The following GLB1 variants were observed in gnomAD, a reference collection of about 807,000 sequenced individuals.
GLB1 encodes beta-galactosidase.
Under a neutral mutation model 74.0 loss-of-function variants are expected in GLB1, and 56 were observed. The ratio of observed to expected loss-of-function variants is 0.76; its 90% CI spans 0.61 to 0.94. The LOEUF (loss-of-function observed/expected upper bound fraction) is 0.94. Ranked by LOEUF, GLB1 falls within the 40% of genes least tolerant of loss-of-function variation. The pLI, the probability that GLB1 is intolerant of heterozygous loss-of-function variation, is 0.00. For missense variants in GLB1, 787 were observed against 845.5 expected, an observed-to-expected ratio of 0.93 and a Z score of 0.86; for synonymous variants, 323 against 323.6, an observed-to-expected ratio of 1.00 and a Z score of 0.02.
intron 9 of GLB1, 52 bp from the exon 10 acceptor site, chr3:33,046,284 C>A: frequency 6.2e-7 from 1 of 1,605,696 alleles, no homozygotes; most frequent in Non-Finnish European, 8.5e-7. Context: ...AGCTCTGGGA[C>A]AAGTTCTTTG....
At chr3:33,082,936 C>A (rs1300325831) in intron 1 of GLB1, among the ~76,000 whole-genome samples, 2 of 152,134 alleles carry the variant, frequency 1.3e-5, no homozygotes, top group Non-Finnish European at 2.9e-5. Flanking sequence ...AGCAGTATCA[C>A]TTAAAAGACA....
chr3:33,044,121 A>G (rs1698647967), intron 10 of GLB1, among the ~76,000 whole-genome samples: 1 of 152,232 alleles, frequency 6.6e-6, no homozygotes, highest in Admixed American at 6.5e-5. Flanking sequence ...TATAGTCAAC[A>G]ACTGTAAAAT....
Position 32,997,296 on chromosome 3 carries a change from G to A in GLB1, c.1783C>T (p.Arg595Trp), listed in dbSNP as rs201807974. Residue 595 changes from arginine (R) to tryptophan (W), a missense_variant, in exon 16 of 16, where the codon CGG (arginine) becomes TGG (tryptophan). Arg to Trp is a moderately radical substitution (Grantham distance 101). Transcript: ENST00000307363. ...ACAAACAAGGTCAACTGAGGGCCCCGGGCTGGCCAATAGCGGCCAAGGTTA... is the reference window on the plus strand; with the variant it reads ...ACAAACAAGGTCAACTGAGGGCCCCAGGCTGGCCAATAGCGGCCAAGGTTA... ...GFNLGRYWPA[R>W]GPQLTLFVPQ... is the part of the protein sequence containing the mutation. 107 of 1,614,076 alleles carry A rather than the reference G, an allele frequency of 6.6e-5. No individual in the cohort carries two copies. The Admixed American group carries it at 8.3e-4, about 13-fold the overall frequency.
chr3:33,005,588 C>A (rs1696752769), intron 15 of GLB1, among the ~76,000 whole-genome samples: 1 of 151,962 alleles, frequency 6.6e-6, no homozygotes, highest in Admixed American at 6.5e-5. Context: ...CCTTGATTTG[C>A]TGGGCTCAAG....
the GLB1 span, among the ~76,000 whole-genome samples, chr3:32,970,817 A>G: frequency 0.18 from 27,994 of 152,126 alleles, 4,869 homozygotes; most frequent in African/African-American, 0.45. Flanking sequence ...CCACACTGGA[A>G]GCTAAGCTCT....
intron 4 of GLB1, among the ~76,000 whole-genome samples, chr3:33,066,543 T>A (rs879787582): frequency 1.3e-5 from 2 of 152,176 alleles, no homozygotes; most frequent in Admixed American, 6.5e-5. Context: ...TAAATGCTTT[T>A]CTTTATAAAT....
rs201951981 is a variant in GLB1, at chr3:33,019,155, T to TAATAAC, written c.1234-595_1234-594insGTTATT. On this transcript the variant is annotated intron_variant, in intron 12 of 15. Coordinates refer to ENST00000307363, the MANE Select transcript of GLB1 (RefSeq NM_000404.4). ...ACCTCATCTCTAATAATAATAATAA[T>TAATAAC]AACAACAAAGTCCATCAGAACTGTT... 4.3e-3 allele frequency among the ~76,000 whole-genome samples: 657 copies of TAATAAC among 151,926 alleles called. 5 individuals carry two copies. Among genetic ancestry groups the TAATAAC allele is most frequent in the African/African-American group, 0.015 (601 of 41,418 alleles).
At position 33,093,579 on chromosome 3, in the gene GLB1, T is replaced by C. The variant is rs140369620; in HGVS notation, c.75+3432A>G. The C allele has an allele frequency of 8.0e-5, 129 of 1,614,128 alleles. No homozygotes were observed. Among genetic ancestry groups the C allele is most frequent in the Admixed American group, 1.7e-4 (10 of 60,016 alleles). On this transcript the variant is annotated intron_variant, in intron 1 of 15. Transcript: ENST00000307363. This position sits in a 1 kb window ranked among gnomAD's most constrained non-coding sequence, Gnocchi z 6.0. ...GTCTGAGAGGAGCACGATCTTGAGG[T>C]TGTTCATTGAGGCAGGCAGCTGATG...
intron 9 of GLB1, among the ~76,000 whole-genome samples, chr3:33,049,491 A>T (rs1019638346): frequency 2.6e-5 from 4 of 152,138 alleles, no homozygotes; most frequent in African/African-American, 9.7e-5. Context: ...ATCTCAGCTC[A>T]CTGCAACCTC....
intron 10 of GLB1, among the ~76,000 whole-genome samples, chr3:33,044,469 C>A (rs548310215): frequency 6.6e-6 from 1 of 151,856 alleles, no homozygotes; most frequent in Admixed American, 6.6e-5. Flanking sequence ...CATTAAAAAG[C>A]TAAGCTTCAA....
intron 2 of GLB1, 111 bp downstream of exon 2, chr3:33,072,433 A>G: frequency 2.6e-6 from 4 of 1,525,734 alleles, no homozygotes; most frequent in Non-Finnish European, 2.7e-6. Flanking sequence ...ATCACACTGG[A>G]CCATTTCCCA....
At chr3:33,079,884 C>A (rs1199579929) in intron 1 of GLB1, among the ~76,000 whole-genome samples, 3 of 152,108 alleles carry the variant, frequency 2.0e-5, no homozygotes, top group African/African-American at 4.8e-5. Context: ...TGGGCTCAAG[C>A]GATCCTCCCA....
intron 2 of GLB1, among the ~76,000 whole-genome samples, chr3:33,070,093 T>C (rs553638756): frequency 2.0e-5 from 3 of 152,226 alleles, no homozygotes; most frequent in African/African-American, 7.2e-5. Context: ...CTCAGGATAA[T>C]AGCCTCCAGC....
In GLB1 at chr3:33,009,968, G is replaced by C. The variant is rs181766917; in HGVS notation, c.1734+4088C>G. On this transcript the variant is annotated intron_variant, in intron 15 of 15. Transcript: ENST00000307363. ...CTCCATTCCTTTTTATTGAGGAATCGTATGGATATACATGCTTTCTCCACT... is the reference window on the plus strand; with the variant it reads ...CTCCATTCCTTTTTATTGAGGAATCCTATGGATATACATGCTTTCTCCACT... 5.3e-4 allele frequency among the ~76,000 whole-genome samples: 81 copies of C among 152,258 alleles called. 1 individual carries two copies. The highest frequency in any genetic ancestry group is 1.8e-3 in the African/African-American group (75 of 41,524).
chr3:33,066,572 C>T (rs867772097), intron 4 of GLB1, among the ~76,000 whole-genome samples: 5 of 152,164 alleles, frequency 3.3e-5, no homozygotes, highest in African/African-American at 1.2e-4. Flanking sequence ...TTCAGGTATT[C>T]TGTTACAAGC....
chr3:33,051,682 GT>G, intron 9 of GLB1, 75 bp downstream of exon 9: 1 of 1,600,950 alleles, frequency 6.2e-7, no homozygotes, highest in East Asian at 2.2e-5. Context: ...AAAATTGTCT[GT>G]GGGCACACCC....
At chr3:32,989,309 C>T in the GLB1 span, among the ~76,000 whole-genome samples, 1 of 152,160 alleles carries the variant, frequency 6.6e-6, no homozygotes, top group Admixed American at 6.5e-5. Context: ...TCATCATTTG[C>T]CTGCTCAACT....
At chr3:33,091,163 G>A (rs1054145489) in intron 1 of GLB1, 1 of 985,340 alleles carries the variant, frequency 1.0e-6, no homozygotes, top group African/African-American at 1.7e-5. Context: ...AGAAAAGTGA[G>A]TTTGGAAGGA....
At chr3:33,034,159 C>A (rs1236052815) in intron 10 of GLB1, 1 of 630,726 alleles carries the variant, frequency 1.6e-6, no homozygotes. Context: ...CCCACGACCC[C>A]TCAGGATATG....
Sources: allele counts gnomAD v4.1 joint callset (sites outside exome capture counted in the v4.1 genomes callset), GRCh38; gene constraint gnomAD v4.1.1; non-coding constraint Gnocchi (gnomAD v3.1); transcripts MANE v1.5; gene names NCBI Gene and HGNC (gene_info 2026-07-23, HGNC 2026-07-21).